UBTD1: variants seen among roughly 807,000 people sequenced by gnomAD.
UBTD1 encodes ubiquitin domain-containing protein 1.
A neutral mutation model predicts 21.7 loss-of-function variants in UBTD1; 19 were observed. The observed-to-expected ratio is 0.87, with a 90% CI of 0.61 to 1.28. The LOEUF is 1.28. Ranked by LOEUF, UBTD1 falls within the 50% of genes most tolerant of loss-of-function variation. The pLI, the probability that UBTD1 is intolerant of heterozygous loss-of-function variation, is 0.00. For missense variants in UBTD1, 282 were observed against 315.1 expected (o/e 0.89, Z 0.80); for synonymous variants, 116 against 135.1 (o/e 0.86, Z 0.98).
rs146972040 is a variant in UBTD1, at chr10:97,557,431, G to A, written c.71-10483G>A. Among the ~76,000 whole-genome samples the A allele has an allele frequency of 7.4e-3, 1,129 of 151,990 alleles. 16 individuals carry two copies. Among genetic ancestry groups the A allele is most frequent in the African/African-American group, 0.026 (1,079 of 41,444 alleles). On this transcript the variant is annotated intron_variant, in intron 1 of 2. Transcript: ENST00000370664. Reference sequence around the variant, plus strand: ...TTGCAGCTCCCACTCGTGCAGGAGGGGCTGACTTTTCCTTTTTGGAGCTAA... The same window carrying A: ...TTGCAGCTCCCACTCGTGCAGGAGGAGCTGACTTTTCCTTTTTGGAGCTAA...
At chr10:97,564,370 T>C (rs2040707836) in intron 1 of UBTD1, among the ~76,000 whole-genome samples, 1 of 152,214 alleles carries the variant, frequency 6.6e-6, no homozygotes, top group African/African-American at 2.4e-5. Flanking sequence ...CTGTCTCTTA[T>C]GGGGGAAGTT....
chr10:97,570,214 C>T lies in UBTD1; in HGVS notation c.375C>T (p.Asn125=). 6.2e-7 allele frequency: 1 copy of T among 1,613,370 alleles called. No individual in the cohort carries two copies. The highest frequency in any genetic ancestry group is 8.5e-7 in the Non-Finnish European group (1 of 1,179,996). The change falls in exon 3 of 3, where the codon AAC becomes AAT. Residue 125 remains asparagine (N), a synonymous_variant. Transcript: ENST00000370664. The surrounding 1 kb of genome is among the most constrained non-coding windows in gnomAD (Gnocchi z 6.6). The stretch of plus-strand genomic sequence containing the variant: ...TCTACTGCCTGTCACCGCCGGTGAA[C>T]CTGCTGCTGGAGCACACGGAGGAGG... ...LPIYCLSPPV[N]LLLEHTEEES...
intron 1 of UBTD1, among the ~76,000 whole-genome samples, chr10:97,553,955 T>A (rs922068532): frequency 4.6e-5 from 7 of 152,218 alleles, no homozygotes; most frequent in Non-Finnish European, 7.3e-5. Flanking sequence ...CAAAGCTGGC[T>A]GCTGTTGTGT....
At chr10:97,550,141 G>A (rs941285387) in intron 1 of UBTD1, among the ~76,000 whole-genome samples, 2 of 152,158 alleles carry the variant, frequency 1.3e-5, no homozygotes, top group African/African-American at 4.8e-5. Flanking sequence ...CTCCCGTCTG[G>A]TGTGAGAGCC....
At chr10:97,516,537 A>G (rs1046496777) in intron 1 of UBTD1, among the ~76,000 whole-genome samples, 3 of 152,098 alleles carry the variant, frequency 2.0e-5, no homozygotes, top group Non-Finnish European at 4.4e-5. Flanking sequence ...GCACTTTGGG[A>G]GGCTGAGGCG....
At chr10:97,536,388 C>T (rs1018385892) in intron 1 of UBTD1, among the ~76,000 whole-genome samples, 8 of 152,230 alleles carry the variant, frequency 5.3e-5, no homozygotes, top group African/African-American at 1.7e-4. Flanking sequence ...AGTGGTGGCA[C>T]GGCTGGTCAG....
At chr10:97,567,855 G>T in intron 1 of UBTD1, 59 bp from the exon 2 acceptor site, 1 of 1,549,122 alleles carries the variant, frequency 6.5e-7, no homozygotes, top group South Asian at 1.1e-5. Flanking sequence ...GGAGGGGGAG[G>T]GCAGGTTGCA....
At chr10:97,543,861 G>A (rs1416311381) in intron 1 of UBTD1, among the ~76,000 whole-genome samples, 4 of 152,186 alleles carry the variant, frequency 2.6e-5, no homozygotes, top group African/African-American at 9.7e-5. Flanking sequence ...ATTTGCTGTG[G>A]TGTTTGCTGT....
intron 1 of UBTD1, among the ~76,000 whole-genome samples, chr10:97,544,282 ACT>A (rs1443164309): frequency 1.8e-5 from 2 of 110,702 alleles, no homozygotes; most frequent in African/African-American, 5.7e-5. Flanking sequence ...GACGAGAGAA[ACT>A]CTGTCTCAAA....
chr10:97,556,780 T>A (rs980120412), intron 1 of UBTD1, among the ~76,000 whole-genome samples: 1 of 152,194 alleles, frequency 6.6e-6, no homozygotes, highest in Non-Finnish European at 1.5e-5. Context: ...ACATATCCAG[T>A]ATAACCTGGC....
rs1371690890 is a variant in UBTD1 at position 97,499,014 on chromosome 10, C to T, written c.-190C>T. On this transcript the variant is annotated 5_prime_UTR_variant, in exon 1 of 3. Transcript: ENST00000370664. Reference sequence around the variant, plus strand: ...ACCTGGGACCGTGCTGGGGAGTCTGCCACTTCCCTCTCTCCCCTGGCCCGC... The same window carrying T: ...ACCTGGGACCGTGCTGGGGAGTCTGTCACTTCCCTCTCTCCCCTGGCCCGC... 2.7e-5 allele frequency: 17 copies of T among 622,464 alleles called. No homozygotes were observed. Among genetic ancestry groups the T allele is most frequent in the South Asian group, 6.7e-5 (3 of 44,762 alleles). The allele number at this position is 622,464 out of a possible 1,614,324, so 38.6% of individuals were successfully genotyped here. A position where few individuals can be genotyped will look rare whatever the true frequency, so the allele number is the denominator to read the frequency against.
At chr10:97,516,842 G>A (rs1177053468) in intron 1 of UBTD1, among the ~76,000 whole-genome samples, 4 of 152,132 alleles carry the variant, frequency 2.6e-5, no homozygotes, top group Non-Finnish European at 4.4e-5. Context: ...GGAGAGCAAC[G>A]CCTTGACAGC....
Position 97,526,361 on chromosome 10 carries a change from T to C in UBTD1, c.70+27088T>C, listed in dbSNP as rs367902786. ...AAGCCGAAGTGTGTGCAAAGCTTTA[T>C]GCACTAAGACTTTGATTCTAGCGTG... On this transcript the variant is annotated intron_variant, in intron 1 of 2. Coordinates refer to ENST00000370664, the MANE Select transcript of UBTD1 (RefSeq NM_024954.5). Among the ~76,000 whole-genome samples, 27 of 152,354 alleles carry C rather than the reference T, an allele frequency of 1.8e-4. No homozygotes were observed. The South Asian group carries it at 5.6e-3, about 32-fold the overall frequency.
At position 97,541,116 on chromosome 10, in the gene UBTD1, C is replaced by T. The variant is rs910373128; in HGVS notation, c.71-26798C>T. Among the ~76,000 whole-genome samples the T allele has an allele frequency of 3.3e-5, 5 of 152,020 alleles. No individual in the cohort carries two copies. In the East Asian group the frequency reaches 5.8e-4, roughly 18 times the overall value. On this transcript the variant is annotated intron_variant, in intron 1 of 2. Coordinates refer to ENST00000370664, the MANE Select transcript of UBTD1 (RefSeq NM_024954.5). ...CTGTCATTGCCTCAGTGTCCTCATC[C>T]GTAAAAGAAGAGTAGTCATATTTGT...
At chr10:97,517,787 C>T (rs2040450977) in intron 1 of UBTD1, among the ~76,000 whole-genome samples, 1 of 152,118 alleles carries the variant, frequency 6.6e-6, no homozygotes, top group Admixed American at 6.5e-5. Context: ...GCCCAGGCCT[C>T]ATGTCTGAGG....
chr10:97,551,531 C>T (rs867043797), intron 1 of UBTD1, among the ~76,000 whole-genome samples: 51 of 152,208 alleles, frequency 3.4e-4, no homozygotes, highest in Admixed American at 2.0e-4. Context: ...ATTTCTGTTA[C>T]TCTGTCTTTG....
At chr10:97,529,401 G>C (rs551338068) in intron 1 of UBTD1, among the ~76,000 whole-genome samples, 1 of 152,220 alleles carries the variant, frequency 6.6e-6, no homozygotes, top group African/African-American at 2.4e-5. Context: ...ACTTTGGGGG[G>C]CCAAGGCAGG....
intron 1 of UBTD1, among the ~76,000 whole-genome samples, chr10:97,559,184 T>C (rs1372026895): frequency 6.6e-6 from 1 of 152,198 alleles, no homozygotes; most frequent in Non-Finnish European, 1.5e-5. Flanking sequence ...CCACAGGGAC[T>C]TCGGGATATA....
At chr10:97,556,140 G>A (rs2040663022) in intron 1 of UBTD1, among the ~76,000 whole-genome samples, 2 of 152,116 alleles carry the variant, frequency 1.3e-5, no homozygotes, top group Admixed American at 6.5e-5. Flanking sequence ...GCAGTAAGCA[G>A]GTTCCTATTA....
Sources: allele counts gnomAD v4.1 joint callset (sites outside exome capture counted in the v4.1 genomes callset), GRCh38; gene constraint gnomAD v4.1.1; non-coding constraint Gnocchi (gnomAD v3.1); transcripts MANE v1.5; gene names NCBI Gene and HGNC (gene_info 2026-07-23, HGNC 2026-07-21).